Variants in GRTP1 observed in about 807,000 individuals in gnomAD.
The protein encoded by GRTP1 is growth hormone regulated TBC protein 1, also known as growth hormone-regulated TBC protein 1.
Under a neutral mutation model 38.1 loss-of-function variants are expected in GRTP1, and 56 were observed. The observed-to-expected ratio is 1.47, with a 90% CI of 1.19 to 1.84. The LOEUF (loss-of-function observed/expected upper bound fraction) is 1.84. Ranked by LOEUF, GRTP1 falls within the 40% of genes most tolerant of loss-of-function variation. The pLI, the probability that GRTP1 is intolerant of heterozygous loss-of-function variation, is 0.00. For missense variants in GRTP1, 506 were observed against 453.9 expected, an observed-to-expected ratio of 1.11 and a Z score of -1.04; for synonymous variants, 217 against 189.5, an observed-to-expected ratio of 1.14 and a Z score of -1.19.
In GRTP1 at chr13:113,325,688, G is replaced by A. The variant is rs538722827; in HGVS notation, c.894C>T (p.Phe298=). Residue 298 remains phenylalanine (F), a synonymous_variant, in exon 7 of 8, where the codon TTC becomes TTT. Coordinates refer to ENST00000375431, the MANE Select transcript of GRTP1 (RefSeq NM_024719.4). Reference sequence around the variant, plus strand: ...GCATAAACGTGTGACACTCCATCACGAAACTCCCTTTGGTTATCTGCTTAA... The same window carrying A: ...GCATAAACGTGTGACACTCCATCACAAAACTCCCTTTGGTTATCTGCTTAA... ...DKFKQITKGS[F]VMECHTFMQK... The A allele has an allele frequency of 6.8e-6, 11 of 1,614,196 alleles. No individual in the cohort carries two copies. The highest frequency in any genetic ancestry group is 1.7e-5 in the Admixed American group (1 of 60,024).
chr13:113,338,113 C>G (rs61966583), intron 5 of GRTP1, among the ~76,000 whole-genome samples: 5 of 152,236 alleles, frequency 3.3e-5, no homozygotes, highest in Non-Finnish European at 5.9e-5. Flanking sequence ...CACCCTCAGT[C>G]ACGCGGCAGG....
chr13:113,324,471 G>A lies in GRTP1; in HGVS notation c.*17C>T, dbSNP rs756049868. 22 of 1,595,240 alleles carry A rather than the reference G, an allele frequency of 1.4e-5. No individual in the cohort carries two copies. The highest frequency in any genetic ancestry group is 4.5e-5 in the East Asian group (2 of 44,058). ...CATCGTCAGTGTAGAGACGAGCAACGCAGGGGACAGGCACGCTCACCCCTG... is the reference window on the plus strand; with the variant it reads ...CATCGTCAGTGTAGAGACGAGCAACACAGGGGACAGGCACGCTCACCCCTG... On this transcript the variant is annotated 3_prime_UTR_variant, in exon 8 of 8. Coordinates refer to ENST00000375431, the MANE Select transcript of GRTP1 (RefSeq NM_024719.4).
intron 5 of GRTP1, 28 bp downstream of exon 5, chr13:113,344,835 G>A (rs200746251): frequency 4.6e-4 from 725 of 1,585,200 alleles, no homozygotes; most frequent in Non-Finnish European, 6.0e-4. Flanking sequence ...AGGACAGTTC[G>A]GGCATACCGC....
Position 113,350,954 on chromosome 13 carries a change from G to A in GRTP1, c.360C>T (p.Pro120=), listed in dbSNP as rs113325393. 43 of 1,613,714 alleles carry A rather than the reference G, an allele frequency of 2.7e-5. No homozygotes were observed. The highest frequency in any genetic ancestry group is 1.7e-4 in the African/African-American group (13 of 75,024). ...AIRTDLNRTF[P]DNVKFRKTTD... is the part of the protein sequence containing the mutation. ...TGGTCTTCCGGAACTTCACGTTGTC[G>A]GGGAAGGTCCGGTTCAGGTCTGTGG... The change falls in exon 4 of 8, where the codon CCC becomes CCT. Residue 120 remains proline (P), a synonymous_variant. Coordinates refer to ENST00000375431, the MANE Select transcript of GRTP1 (RefSeq NM_024719.4).
intron 5 of GRTP1, among the ~76,000 whole-genome samples, chr13:113,328,005 C>T (rs780106728): frequency 1.3e-5 from 2 of 152,244 alleles, no homozygotes; most frequent in African/African-American, 2.4e-5. Context: ...AAATTAAAGC[C>T]GCAGCTTCTT....
At chr13:113,356,336 T>C (rs113480121) in intron 2 of GRTP1, among the ~76,000 whole-genome samples, 22,064 of 152,028 alleles carry the variant, frequency 0.15, 1,775 homozygotes, top group African/African-American at 0.19. Context: ...GGTGCAATCT[T>C]GGCTCACTGT....
rs748095792 is a variant in GRTP1, at chr13:113,364,040, G to A, written c.12C>T (p.Ala4=). ...CACACCTGGGGACCCGCGAGCGCTC[G>A]GCGGGCTGCATGCGGGGAGGGAGGC... is the stretch of plus-strand genomic sequence containing the variant. MQP[A]ERSRVPRIDP... The change falls in exon 1 of 8, where the codon GCC becomes GCT. Residue 4 remains alanine (A), a synonymous_variant. Transcript: ENST00000375431. The A allele has an allele frequency of 7.7e-7, 1 of 1,291,972 alleles. No individual in the cohort carries two copies. Among genetic ancestry groups the A allele is most frequent in the Non-Finnish European group, 9.8e-7 (1 of 1,024,490 alleles). 80.0% of individuals were successfully genotyped at this position (1,291,972 alleles called of 1,614,324 possible). A position where few individuals can be genotyped will look rare whatever the true frequency, so the allele number is the denominator to read the frequency against.
chr13:113,360,791 TA>T (rs2043481509), intron 2 of GRTP1, among the ~76,000 whole-genome samples: 1 of 152,244 alleles, frequency 6.6e-6, no homozygotes, highest in Non-Finnish European at 1.5e-5. Flanking sequence ...TGATGCTTGC[TA>T]CCATAATTAC....
chr13:113,345,351 C>T (rs562572133), intron 4 of GRTP1, among the ~76,000 whole-genome samples: 23 of 152,312 alleles, frequency 1.5e-4, no homozygotes, highest in Admixed American at 3.9e-4. Context: ...TTTATAAAAC[C>T]GTAAGGAACA....
rs1403546913 is a variant in GRTP1 at position 113,364,127 on chromosome 13, T to G, written c.-76A>C. 3 of 1,123,434 alleles carry G rather than the reference T, an allele frequency of 2.7e-6. No individual in the cohort carries two copies. Among genetic ancestry groups the G allele is most frequent in the Non-Finnish European group, 3.2e-6 (3 of 926,146 alleles). 69.6% of individuals were successfully genotyped at this position (1,123,434 alleles called of 1,614,324 possible). A position where few individuals can be genotyped will look rare whatever the true frequency, so the allele number is the denominator to read the frequency against. On this transcript the variant is annotated 5_prime_UTR_variant, in exon 1 of 8. Coordinates refer to ENST00000375431, the MANE Select transcript of GRTP1 (RefSeq NM_024719.4). ...TCCCGGCTCCGGGGCGCTTAAGTCC[T>G]TCCGGCGGGACCGCGGGCGCGTGGG...
chr13:113,324,346 C>CTT lies in GRTP1; in HGVS notation c.*140_*141dup. 1 of 1,265,962 alleles carries CTT rather than the reference C, an allele frequency of 7.9e-7. No individual in the cohort carries two copies. The highest frequency in any genetic ancestry group is 1.0e-6 in the Non-Finnish European group (1 of 981,732). The allele number at this position is 1,265,962 out of a possible 1,614,324, so 78.4% of individuals were successfully genotyped here. ...TAGAATGACCTGATTTTAAACTGCT[C>CTT]TTTTAAAAAATTCACAACTAAAGTG... On this transcript the variant is annotated 3_prime_UTR_variant, in exon 8 of 8. Coordinates refer to ENST00000375431, the MANE Select transcript of GRTP1 (RefSeq NM_024719.4).
At chr13:113,361,679 A>T (rs2043502349) in intron 2 of GRTP1, 1 of 152,230 alleles carries the variant, frequency 6.6e-6, no homozygotes, top group Non-Finnish European at 1.5e-5. Context: ...ACGGAAGGAC[A>T]GTCCCCTGCG....
intron 3 of GRTP1, among the ~76,000 whole-genome samples, chr13:113,353,460 T>C (rs73565258): frequency 0.065 from 9,930 of 152,238 alleles, 427 homozygotes; most frequent in African/African-American, 0.12. Flanking sequence ...CAAGATGCAG[T>C]ACAGAGGATC....
chr13:113,352,261 T>TA (rs71101571), intron 3 of GRTP1, among the ~76,000 whole-genome samples: 323 of 69,812 alleles, frequency 4.6e-3, no homozygotes, highest in African/African-American at 0.017. Flanking sequence ...TATTTATATA[T>TA]TTTTATATTT....
chr13:113,324,631 A>G (rs2042732382), intron 7 of GRTP1, 54 bp from the exon 8 acceptor site: 1 of 1,543,728 alleles, frequency 6.5e-7, no homozygotes, highest in African/African-American at 1.4e-5. Context: ...TTTCTACGTT[A>G]GCTCTCCCAG....
At chr13:113,334,182 A>G (rs2042921343) in intron 5 of GRTP1, among the ~76,000 whole-genome samples, 1 of 152,098 alleles carries the variant, frequency 6.6e-6, no homozygotes, top group South Asian at 2.1e-4. Flanking sequence ...AACACAGGGG[A>G]CATCTTGAGA....
In GRTP1 at chr13:113,349,144, T is replaced by C. The variant is rs79079163; in HGVS notation, c.465+1705A>G. ...TCCTGCCTTGACCTCCCAAAGTGCA[T>C]GATTATAGGCAAGGGCCACCCAGGT... is the stretch of plus-strand genomic sequence containing the variant. On this transcript the variant is annotated intron_variant, in intron 4 of 7. Transcript: ENST00000375431. The surrounding 1 kb of genome is among the most constrained non-coding windows in gnomAD (Gnocchi z 5.0). Among the ~76,000 whole-genome samples the C allele has an allele frequency of 0.035, 5,322 of 151,406 alleles. 152 individuals carry two copies. The highest frequency in any genetic ancestry group is 0.052 in the East Asian group (267 of 5,100).
intron 4 of GRTP1, 100 bp from the exon 5 acceptor site, chr13:113,345,059 T>G (rs947774922): frequency 7.4e-6 from 10 of 1,348,048 alleles, no homozygotes; most frequent in Non-Finnish European, 6.9e-6. Context: ...CCATTTCTCT[T>G]GCTTCTCCTT....
At chr13:113,339,196 G>A (rs1440193316) in intron 5 of GRTP1, among the ~76,000 whole-genome samples, 3 of 152,130 alleles carry the variant, frequency 2.0e-5, no homozygotes, top group African/African-American at 7.2e-5. Context: ...CTACAGGCAT[G>A]AGCCACCACA....
Sources: gnomAD v4.1 joint callset for allele counts (sites outside exome capture counted in the v4.1 genomes callset) on GRCh38, gnomAD v4.1.1 for gene constraint, Gnocchi (gnomAD v3.1) non-coding constraint, MANE v1.5 for transcripts, NCBI Gene and HGNC (gene_info 2026-07-23, HGNC 2026-07-21) for gene names.